CCDC69: variants seen among roughly 807,000 people sequenced by gnomAD.
CCDC69 encodes the protein coiled-coil domain-containing protein 69.
A neutral mutation model predicts 40.3 loss-of-function variants in CCDC69; 38 were observed. The ratio of observed to expected loss-of-function variants is 0.94; its 90% CI spans 0.73 to 1.24. CCDC69 has a LOEUF of 1.24. Among genes scored for constraint, CCDC69 ranks in the 50% most tolerant of loss-of-function variants. CCDC69 has a pLI of 0.00. For synonymous variants in CCDC69, 141 were observed against 138.9 expected (o/e 1.02, Z -0.11); for missense variants, 389 against 357.9 (o/e 1.09, Z -0.70).
intron 7 of CCDC69, 125 bp from the exon 8 acceptor site, chr5:151,184,566 T>TG: frequency 1.6e-6 from 1 of 608,138 alleles, no homozygotes; most frequent in East Asian, 2.8e-5. Context: ...TTACATTTCA[T>TG]GGAGCAATAA....
chr5:151,185,992 G>A (rs775054701), intron 6 of CCDC69, 31 bp downstream of exon 6: 2 of 1,507,632 alleles, frequency 1.3e-6, no homozygotes, highest in Admixed American at 1.7e-5. Flanking sequence ...GAGATTCAAG[G>A]AGGAAAAGCG....
At chr5:151,219,324 C>G (rs902716973) in intron 1 of CCDC69, among the ~76,000 whole-genome samples, 6 of 152,124 alleles carry the variant, frequency 3.9e-5, no homozygotes, top group African/African-American at 1.4e-4. Flanking sequence ...CTAACCCCCG[C>G]CCCCCTTCTA....
chr5:151,218,531 A>T lies in CCDC69; in HGVS notation c.48+5392T>A, dbSNP rs147447335. 4.6e-3 allele frequency among the ~76,000 whole-genome samples: 697 copies of T among 152,316 alleles called. 12 individuals carry two copies. The highest frequency in any genetic ancestry group is 0.016 in the African/African-American group (678 of 41,560). On this transcript the variant is annotated intron_variant, in intron 1 of 8. Transcript: ENST00000355417. ...TCGAGTTTATTTTTTGAATATGAAC[A>T]TTCATGAATTTCATACTGAGACCCC... is the stretch of plus-strand genomic sequence containing the variant.
Position 151,214,527 on chromosome 5 carries a change from T to C in CCDC69, c.49-9052A>G, listed in dbSNP as rs116434838. On this transcript the variant is annotated intron_variant, in intron 1 of 8. Coordinates refer to ENST00000355417, the MANE Select transcript of CCDC69 (RefSeq NM_015621.3). ...AAAGTAATGCCTGAATTTGATGTCATTGAAACTCAAACACTGCCAGGGACA... is the reference window on the plus strand; with the variant it reads ...AAAGTAATGCCTGAATTTGATGTCACTGAAACTCAAACACTGCCAGGGACA... Among the ~76,000 whole-genome samples the C allele has an allele frequency of 6.7e-3, 1,021 of 152,324 alleles. 5 individuals carry two copies. Among genetic ancestry groups the C allele is most frequent in the African/African-American group, 0.024 (982 of 41,566 alleles).
At position 151,207,518 on chromosome 5, in the gene CCDC69, CCT is replaced by C. The variant is rs1003732695; in HGVS notation, c.49-2045_49-2044del. On this transcript the variant is annotated intron_variant, in intron 1 of 8. Transcript: ENST00000355417. ...GTGTTGGCCAGGATGGTCTCGATCT[CCT>C]GACCTCATGATCCACCCACCTTGGC... is the stretch of plus-strand genomic sequence containing the variant. Among the ~76,000 whole-genome samples, 30 of 149,668 alleles carry C rather than the reference CCT, an allele frequency of 2.0e-4. 1 individual carries two copies. Among genetic ancestry groups the C allele is most frequent in the African/African-American group, 7.4e-4 (30 of 40,686 alleles).
At chr5:151,203,714 T>C (rs1475961770) in intron 2 of CCDC69, among the ~76,000 whole-genome samples, 2 of 137,892 alleles carry the variant, frequency 1.5e-5, no homozygotes, top group East Asian at 2.0e-4. Flanking sequence ...ATATTATATA[T>C]ACTAATAAAA....
chr5:151,195,908 A>G (rs1201355586), intron 4 of CCDC69, among the ~76,000 whole-genome samples: 1 of 152,160 alleles, frequency 6.6e-6, no homozygotes, highest in Non-Finnish European at 1.5e-5. Flanking sequence ...CCTCTGTTCT[A>G]GTTATTCCAT....
At chr5:151,184,482 C>T (rs375675282) in intron 7 of CCDC69, 41 bp from the exon 8 acceptor site, 16 of 1,334,814 alleles carry the variant, frequency 1.2e-5, no homozygotes, top group Admixed American at 3.4e-5. Flanking sequence ...GCCAAACTCA[C>T]GCTGCACGAT....
At chr5:151,205,587 C>A in intron 1 of CCDC69, 112 bp from the exon 2 acceptor site, 3 of 848,918 alleles carry the variant, frequency 3.5e-6, no homozygotes, top group Admixed American at 4.8e-5. Flanking sequence ...TCAGTTACAC[C>A]AGACCCTGCC....
At chr5:151,208,017 G>A (rs1367435575) in intron 1 of CCDC69, among the ~76,000 whole-genome samples, 1 of 152,166 alleles carries the variant, frequency 6.6e-6, no homozygotes, top group Non-Finnish European at 1.5e-5. Flanking sequence ...CTGGGAGGCC[G>A]AAGTGGGCAA....
intron 4 of CCDC69, among the ~76,000 whole-genome samples, chr5:151,196,682 T>C (rs1010530761): frequency 5.3e-5 from 8 of 151,770 alleles, no homozygotes; most frequent in Non-Finnish European, 1.2e-4. Context: ...GCGAAACCAC[T>C]TTATGTGCAC....
At position 151,203,408 on chromosome 5, in the gene CCDC69, G is replaced by T. The variant is rs367744341; in HGVS notation, c.125-1720C>A. 8.2e-4 allele frequency among the ~76,000 whole-genome samples: 124 copies of T among 151,634 alleles called. 1 individual carries two copies. Among genetic ancestry groups the T allele is most frequent in the African/African-American group, 2.9e-3 (121 of 41,320 alleles). Reference sequence around the variant, plus strand: ...GCCTGTAATCCCAGCTACTCGGGAGGCTGAAGCAGGAGAATTGCTTGAACC... The same window carrying T: ...GCCTGTAATCCCAGCTACTCGGGAGTCTGAAGCAGGAGAATTGCTTGAACC... On this transcript the variant is annotated intron_variant, in intron 2 of 8. Coordinates refer to ENST00000355417, the MANE Select transcript of CCDC69 (RefSeq NM_015621.3).
chr5:151,188,258 G>A (rs1000793565), intron 4 of CCDC69, among the ~76,000 whole-genome samples: 7 of 152,148 alleles, frequency 4.6e-5, no homozygotes, highest in African/African-American at 1.4e-4. Flanking sequence ...GAACAGAGGA[G>A]ACAGGAAAGT....
chr5:151,184,474 C>T (rs1259817144), intron 7 of CCDC69, 33 bp from the exon 8 acceptor site: 7 of 1,407,238 alleles, frequency 5.0e-6, no homozygotes, highest in Non-Finnish European at 7.1e-6. Flanking sequence ...AGAAAGCTGC[C>T]AAACTCACGC....
At chr5:151,189,136 CAG>C (rs1752568465) in intron 4 of CCDC69, among the ~76,000 whole-genome samples, 2 of 152,152 alleles carry the variant, frequency 1.3e-5, no homozygotes, top group Non-Finnish European at 2.9e-5. Context: ...GAATTATTAA[CAG>C]AGTTTTTATG....
In CCDC69 at chr5:151,201,694, G is replaced by C. The variant is rs1262972691; in HGVS notation, c.125-6C>G. 1 of 1,575,038 alleles carries C rather than the reference G, an allele frequency of 6.3e-7. No individual in the cohort carries two copies. The highest frequency in any genetic ancestry group is 2.3e-5 in the East Asian group (1 of 44,124). ...ACAGAGCTGGACAGTTATAGCTAGA[G>C]ATGAAAAAGCAAAAAAATAAAAATA... On this transcript the variant is annotated splice_region_variant and splice_polypyrimidine_tract_variant and intron_variant, in intron 2 of 8. Transcript: ENST00000355417.
At chr5:151,200,875 T>C (rs1430703486) in intron 3 of CCDC69, among the ~76,000 whole-genome samples, 2 of 152,236 alleles carry the variant, frequency 1.3e-5, no homozygotes, top group Non-Finnish European at 2.9e-5. Context: ...GGTTCTATTA[T>C]GTCCTTTCAC....
chr5:151,221,629 C>T (rs552010978), intron 1 of CCDC69, among the ~76,000 whole-genome samples: 2 of 152,266 alleles, frequency 1.3e-5, no homozygotes, highest in Non-Finnish European at 2.9e-5. Context: ...TGACTTTGGA[C>T]CCATCGTTCC....
intron 1 of CCDC69, among the ~76,000 whole-genome samples, chr5:151,205,682 C>T (rs1020285057): frequency 6.6e-6 from 1 of 152,182 alleles, no homozygotes; most frequent in Non-Finnish European, 1.5e-5. Flanking sequence ...ACTTCTCATC[C>T]CTGTCAGGGA....
Sources: gnomAD v4.1 joint callset for allele counts (sites outside exome capture counted in the v4.1 genomes callset) on GRCh38, gnomAD v4.1.1 for gene constraint, MANE v1.5 for transcripts, NCBI Gene and HGNC (gene_info 2026-07-23, HGNC 2026-07-21) for gene names.